LRFN5: variants seen among roughly 807,000 people sequenced by gnomAD.
The protein encoded by LRFN5 is leucine rich repeat and fibronectin type III domain containing 5.
LRFN5 carries 24 observed loss-of-function variants against 45.6 expected under a neutral mutation model. The observed-to-expected ratio is 0.53, with a 90% CI of 0.38 to 0.74. The LOEUF (loss-of-function observed/expected upper bound fraction) is 0.74. Among genes scored for constraint, LRFN5 ranks in the 30% least tolerant of loss-of-function variants. The pLI is 0.00. For synonymous variants in LRFN5, 340 were observed against 313.8 expected (o/e 1.08, Z -0.88); for missense variants, 776 against 861.5 (o/e 0.90, Z 1.24).
At chr14:41,799,623 A>G (rs1304229506) in intron 2 of LRFN5, among the ~76,000 whole-genome samples, 1 of 151,902 alleles carries the variant, frequency 6.6e-6, no homozygotes. Context: ...TTATTTGTTA[A>G]TGTATTTTTC....
chr14:41,628,753 T>G (rs963930218), intron 1 of LRFN5, among the ~76,000 whole-genome samples: 4 of 152,174 alleles, frequency 2.6e-5, no homozygotes, highest in African/African-American at 9.7e-5. Flanking sequence ...CTGATATGGA[T>G]AGTAGCATTG....
At chr14:41,746,337 G>A (rs1025996080) in intron 1 of LRFN5, among the ~76,000 whole-genome samples, 2 of 151,732 alleles carry the variant, frequency 1.3e-5, no homozygotes. Flanking sequence ...AGAATAGAAG[G>A]AAACTACCTC....
intron 2 of LRFN5, among the ~76,000 whole-genome samples, chr14:41,844,228 G>A (rs933849887): frequency 3.9e-5 from 6 of 152,096 alleles, no homozygotes; most frequent in African/African-American, 1.4e-4. Flanking sequence ...ACGAGGTCAG[G>A]AGATCGAGAC....
intron 1 of LRFN5, among the ~76,000 whole-genome samples, chr14:41,718,634 A>T (rs1349258468): frequency 6.6e-6 from 1 of 152,192 alleles, no homozygotes; most frequent in South Asian, 2.1e-4. Flanking sequence ...GGTAGACAGC[A>T]TAGTCAGTTC....
At chr14:41,827,502 A>G (rs1332547059) in intron 2 of LRFN5, among the ~76,000 whole-genome samples, 2 of 152,032 alleles carry the variant, frequency 1.3e-5, no homozygotes, top group Non-Finnish European at 2.9e-5. Context: ...ATCAAGCCAC[A>G]TACACTGAAA....
intron 1 of LRFN5, among the ~76,000 whole-genome samples, chr14:41,678,122 A>C (rs1486950918): frequency 6.6e-6 from 1 of 152,096 alleles, no homozygotes; most frequent in Admixed American, 6.6e-5. Flanking sequence ...TGCAAACAAC[A>C]ACTAAAAAAG....
intron 1 of LRFN5, among the ~76,000 whole-genome samples, chr14:41,730,195 T>G (rs1884109744): frequency 6.6e-6 from 1 of 152,072 alleles, no homozygotes; most frequent in South Asian, 2.1e-4. Context: ...AAAAATAGAC[T>G]GCTTTTAAAT....
At position 41,608,539 on chromosome 14, in the gene LRFN5, C is replaced by G. The variant is rs1303922541; in HGVS notation, c.-220C>G. Reference sequence around the variant, plus strand: ...TGCAGGCAGAAAGTCTTCCTACGACCGTCTTTTCCCTTAGAGGCACCAGGT... The same window carrying G: ...TGCAGGCAGAAAGTCTTCCTACGACGGTCTTTTCCCTTAGAGGCACCAGGT... On this transcript the variant is annotated 5_prime_UTR_variant, in exon 1 of 6. Coordinates refer to ENST00000298119, the MANE Select transcript of LRFN5 (RefSeq NM_152447.5). 6.6e-6 allele frequency: 1 copy of G among 152,668 alleles called. No homozygotes were observed. The highest frequency in any genetic ancestry group is 1.5e-5 in the Non-Finnish European group (1 of 68,056). The allele number at this position is 152,668 out of a possible 1,614,324, so 9.5% of individuals were successfully genotyped here.
At chr14:41,867,682 C>T (rs1380430073) in intron 2 of LRFN5, among the ~76,000 whole-genome samples, 4 of 152,068 alleles carry the variant, frequency 2.6e-5, no homozygotes, top group Admixed American at 6.6e-5. Flanking sequence ...ATTTTATCTC[C>T]ATCAGATCTC....
intron 2 of LRFN5, among the ~76,000 whole-genome samples, chr14:41,823,121 C>A (rs544920417): frequency 6.6e-6 from 1 of 151,780 alleles, no homozygotes; most frequent in African/African-American, 2.4e-5. Flanking sequence ...TAGGATTTAG[C>A]CCATTTGTGA....
At chr14:41,785,059 A>C (rs1886669866) in intron 2 of LRFN5, among the ~76,000 whole-genome samples, 1 of 152,184 alleles carries the variant, frequency 6.6e-6, no homozygotes, top group Admixed American at 6.5e-5. Context: ...ATTTCAAATA[A>C]TATGAAAATA....
At chr14:41,868,777 A>G (rs1271066499) in intron 2 of LRFN5, among the ~76,000 whole-genome samples, 1 of 152,188 alleles carries the variant, frequency 6.6e-6, no homozygotes, top group Non-Finnish European at 1.5e-5. Context: ...GAAATGCATT[A>G]TTCATACCGA....
chr14:41,645,337 T>G (rs1314965842), intron 1 of LRFN5, among the ~76,000 whole-genome samples: 22 of 152,108 alleles, frequency 1.4e-4, no homozygotes, highest in Admixed American at 1.4e-3. Context: ...CAGGTTCAAG[T>G]GGTCGTCCTG....
At chr14:41,861,552 A>G (rs1176349318) in intron 2 of LRFN5, among the ~76,000 whole-genome samples, 1 of 152,134 alleles carries the variant, frequency 6.6e-6, no homozygotes, top group African/African-American at 2.4e-5. Context: ...GAGTGTCTAC[A>G]TGTTTTCCAT....
At chr14:41,627,683 T>A (rs141056689) in intron 1 of LRFN5, among the ~76,000 whole-genome samples, 1 of 152,142 alleles carries the variant, frequency 6.6e-6, no homozygotes, top group East Asian at 1.9e-4. Context: ...TATATAGATA[T>A]CTCTATGTTA....
intron 2 of LRFN5, among the ~76,000 whole-genome samples, chr14:41,812,604 A>G (rs1566459190): frequency 1.3e-5 from 2 of 151,498 alleles, no homozygotes; most frequent in Non-Finnish European, 2.9e-5. Flanking sequence ...AGTAGAAATA[A>G]ATATATATAT....
In LRFN5 at chr14:41,891,867, C is replaced by T. The variant is rs1890797219; in HGVS notation, c.2003C>T (p.Thr668Ile). Residue 668 changes from threonine to isoleucine, a missense_variant, in exon 4 of 6, where the codon ACT (threonine) becomes ATT (isoleucine). By Grantham distance (89) the Thr-to-Ile change is moderately conservative. Around this residue, in one of 2 missense-constraint regions of LRFN5, gnomAD observed 465 missense variants for 456.4 expected, o/e 1.02. Coordinates refer to ENST00000298119, the MANE Select transcript of LRFN5 (RefSeq NM_152447.5). ...GTCACAAATGTTGAATCCCAAAACA[C>T]TAACAGGAACAACTCAACTGCCTTG... ...EAVTNVESQN[T>I]NRNNSTALQL... 1 of 1,614,174 alleles carries T rather than the reference C, an allele frequency of 6.2e-7. No individual in the cohort carries two copies. Among genetic ancestry groups the T allele is most frequent in the East Asian group, 2.2e-5 (1 of 44,878 alleles).
chr14:41,853,569 C>A (rs1951870), intron 2 of LRFN5, among the ~76,000 whole-genome samples: 109,488 of 151,772 alleles, frequency 0.72, 39,902 homozygotes, highest in African/African-American at 0.82. Flanking sequence ...CCTTGGGTTA[C>A]ATTAGGTTTC....
At chr14:41,735,242 C>T (rs971450291) in intron 1 of LRFN5, among the ~76,000 whole-genome samples, 13 of 150,372 alleles carry the variant, frequency 8.6e-5, no homozygotes, top group Admixed American at 8.6e-4. Context: ...AAAGTTTTTG[C>T]CATCCATTCA....
Sources: gnomAD v4.1 joint callset for allele counts (sites outside exome capture counted in the v4.1 genomes callset) on GRCh38, gnomAD v4.1.1 for gene constraint, gnomAD v4.1.1 regional missense constraint, MANE v1.5 for transcripts, NCBI Gene and HGNC (gene_info 2026-07-23, HGNC 2026-07-21) for gene names.